The following MSRB3 variants were observed in gnomAD, a reference collection of about 807,000 sequenced individuals.
The protein encoded by MSRB3 is methionine sulfoxide reductase B3, also known as methionine-R-sulfoxide reductase B3.
A neutral mutation model predicts 21.0 loss-of-function variants in MSRB3; 13 were observed. The ratio of observed to expected loss-of-function variants is 0.62; its 90% CI spans 0.40 to 0.98. The LOEUF (loss-of-function observed/expected upper bound fraction) is 0.98, where lower values mean the gene tolerates loss of function less well. Ranked by LOEUF, MSRB3 falls within the 50% of genes least tolerant of loss-of-function variation. The probability of loss-of-function intolerance (pLI) is 0.00; values close to 1 mark genes in which losing one functional copy is unlikely to be tolerated. For missense variants in MSRB3, 199 were observed against 230.3 expected (o/e 0.86, Z 0.88); for synonymous variants, 87 against 88.6 (o/e 0.98, Z 0.10).
At chr12:65,401,385 G>GA (rs567003648) in intron 5 of MSRB3, among the ~76,000 whole-genome samples, 101 of 152,096 alleles carry the variant, frequency 6.6e-4, no homozygotes, top group Admixed American at 3.5e-3. Flanking sequence ...TGTATCTTTC[G>GA]ATCTTTGTTG....
chr12:65,397,413 T>C lies in MSRB3; in HGVS notation c.292+28387T>C, dbSNP rs571977365. 8.9e-4 allele frequency among the ~76,000 whole-genome samples: 135 copies of C among 152,170 alleles called. 1 individual carries two copies. The highest frequency in any genetic ancestry group is 1.6e-3 in the Admixed American group (24 of 15,276). ...GTAATAGCAAACTTGCATTGCTACTTGTAATCCACCATAGTTGGATTAATA... is the reference window on the plus strand; with the variant it reads ...GTAATAGCAAACTTGCATTGCTACTCGTAATCCACCATAGTTGGATTAATA... On this transcript the variant is annotated intron_variant, in intron 5 of 6. Coordinates refer to ENST00000308259, the MANE Select transcript of MSRB3 (RefSeq NM_001031679.3).
At chr12:65,398,132 G>T (rs1010254100) in intron 5 of MSRB3, among the ~76,000 whole-genome samples, 5 of 152,180 alleles carry the variant, frequency 3.3e-5, no homozygotes, top group Non-Finnish European at 2.9e-5. Context: ...CCAGTAATGG[G>T]ATTGCTGGGC....
Position 65,350,762 on chromosome 12 carries a change from C to G in MSRB3, c.264-18236C>G, listed in dbSNP as rs538253831. On this transcript the variant is annotated intron_variant, in intron 4 of 6. Coordinates refer to ENST00000308259, the MANE Select transcript of MSRB3 (RefSeq NM_001031679.3). ...GGATCAATTCAACAAGAAGAGCTAA[C>G]TATCCTAAATATATATGCACCCAAT... Among the ~76,000 whole-genome samples the G allele has an allele frequency of 3.7e-3, 505 of 136,534 alleles. 1 individual carries two copies. The highest frequency in any genetic ancestry group is 0.014 in the African/African-American group (467 of 34,268). The allele number at this position is 136,534 out of a possible 152,430, so 89.6% of individuals were successfully genotyped here.
chr12:65,390,203 T>A (rs772558099), intron 5 of MSRB3, among the ~76,000 whole-genome samples: 7 of 152,180 alleles, frequency 4.6e-5, no homozygotes, highest in Non-Finnish European at 8.8e-5. Context: ...TTCTGCTTAC[T>A]TCTTCCCTAC....
intron 5 of MSRB3, among the ~76,000 whole-genome samples, chr12:65,395,938 T>A (rs545157356): frequency 2.6e-4 from 39 of 152,340 alleles, no homozygotes; most frequent in Non-Finnish European, 4.6e-4. Context: ...ATATTGTTGA[T>A]CTTTTCAAAT....
In MSRB3 at chr12:65,444,640, T is replaced by C. The variant is rs1373259310; in HGVS notation, c.293-9088T>C. 5.3e-5 allele frequency among the ~76,000 whole-genome samples: 8 copies of C among 152,272 alleles called. No homozygotes were observed. The South Asian group carries it at 1.7e-3, about 32-fold the overall frequency. Reference sequence around the variant, plus strand: ...TCCTGTAGCCTTCCTTCCCTGCAGGTTGTAAAAGAGTAGTCTCTGTTCACT... The same window carrying C: ...TCCTGTAGCCTTCCTTCCCTGCAGGCTGTAAAAGAGTAGTCTCTGTTCACT... On this transcript the variant is annotated intron_variant, in intron 5 of 6. Coordinates refer to ENST00000308259, the MANE Select transcript of MSRB3 (RefSeq NM_001031679.3).
chr12:65,385,143 A>G (rs1429159824), intron 5 of MSRB3, among the ~76,000 whole-genome samples: 1 of 152,168 alleles, frequency 6.6e-6, no homozygotes, highest in Admixed American at 6.5e-5. Flanking sequence ...GATACCATTC[A>G]TCTTAAACAA....
At chr12:65,375,862 ATTG>A (rs1300903753) in intron 5 of MSRB3, among the ~76,000 whole-genome samples, 1 of 148,686 alleles carries the variant, frequency 6.7e-6, no homozygotes, top group Non-Finnish European at 1.5e-5. Flanking sequence ...TTTCAGTTTT[ATTG>A]TTTGGTAGTC....
At chr12:65,328,091 T>C (rs746736783) in intron 3 of MSRB3, among the ~76,000 whole-genome samples, 9 of 152,206 alleles carry the variant, frequency 5.9e-5, no homozygotes, top group Admixed American at 6.5e-5. Context: ...TAGAAAAATA[T>C]TCCCTTAAAG....
chr12:65,279,782 A>C (rs1871902903), intron 1 of MSRB3, among the ~76,000 whole-genome samples: 1 of 152,212 alleles, frequency 6.6e-6, no homozygotes, highest in Non-Finnish European at 1.5e-5. Context: ...TTTAAAGTAC[A>C]AAGGTAGGGA....
chr12:65,400,519 G>T (rs1241614609), intron 5 of MSRB3, among the ~76,000 whole-genome samples: 1 of 151,908 alleles, frequency 6.6e-6, no homozygotes, highest in Non-Finnish European at 1.5e-5. Context: ...TATTAATCAG[G>T]CTAGTGGTCT....
chr12:65,428,368 T>C (rs1881709031), intron 5 of MSRB3, among the ~76,000 whole-genome samples: 1 of 152,154 alleles, frequency 6.6e-6, no homozygotes, highest in Non-Finnish European at 1.5e-5. Flanking sequence ...TTGGGGACTC[T>C]CTGGGGTTAT....
At chr12:65,362,792 T>C (rs1202712292) in intron 4 of MSRB3, among the ~76,000 whole-genome samples, 1 of 152,014 alleles carries the variant, frequency 6.6e-6, no homozygotes, top group Non-Finnish European at 1.5e-5. Flanking sequence ...GAGGAAGCAT[T>C]CCACGCAGAG....
chr12:65,394,140 T>C lies in MSRB3; in HGVS notation c.292+25114T>C, dbSNP rs185879420. Among the ~76,000 whole-genome samples, 686 of 152,322 alleles carry C rather than the reference T, an allele frequency of 4.5e-3. 4 individuals are homozygous for C. Among genetic ancestry groups the C allele is most frequent in the African/African-American group, 0.015 (635 of 41,584 alleles). The stretch of plus-strand genomic sequence containing the variant: ...TATGTATGCATATATATGAATTAGA[T>C]GCTTCTATATGCTTGCGTATATTTA... On this transcript the variant is annotated intron_variant, in intron 5 of 6. Transcript: ENST00000308259.
At chr12:65,286,268 G>T (rs1227195396) in intron 1 of MSRB3, 2 of 152,100 alleles carry the variant, frequency 1.3e-5, no homozygotes, top group African/African-American at 4.8e-5. Flanking sequence ...GGGTATGGGG[G>T]AAAACTTCTA....
At chr12:65,428,613 T>C (rs925548050) in intron 5 of MSRB3, among the ~76,000 whole-genome samples, 1 of 152,182 alleles carries the variant, frequency 6.6e-6, no homozygotes, top group African/African-American at 2.4e-5. Context: ...TACGACATTA[T>C]TGGCACTAGC....
At chr12:65,287,129 CTCTT>C (rs1003388950) in intron 1 of MSRB3, among the ~76,000 whole-genome samples, 3 of 137,756 alleles carry the variant, frequency 2.2e-5, no homozygotes, top group African/African-American at 8.0e-5. Context: ...TCTTTCATTT[CTCTT>C]TTTTTTTTTT....
chr12:65,387,270 T>C (rs987112777), intron 5 of MSRB3, among the ~76,000 whole-genome samples: 2 of 152,120 alleles, frequency 1.3e-5, no homozygotes, highest in Non-Finnish European at 2.9e-5. Context: ...TACTGTGAAA[T>C]AGCCTTCCAG....
At chr12:65,351,429 A>C (rs1305910102) in intron 4 of MSRB3, among the ~76,000 whole-genome samples, 2 of 142,594 alleles carry the variant, frequency 1.4e-5, no homozygotes, top group Non-Finnish European at 1.5e-5. Context: ...AAACACATTC[A>C]AAAGCTAGCA....
Sources: gnomAD v4.1 joint callset for allele counts (sites outside exome capture counted in the v4.1 genomes callset) on GRCh38, gnomAD v4.1.1 for gene constraint, MANE v1.5 for transcripts, NCBI Gene and HGNC (gene_info 2026-07-23, HGNC 2026-07-21) for gene names.